DLG2: variants seen among roughly 807,000 people sequenced by gnomAD.
DLG2 encodes discs large MAGUK scaffold protein 2, also known as disks large homolog 2.
Under a neutral mutation model 132.5 loss-of-function variants are expected in DLG2, and 45 were observed. The observed-to-expected ratio is 0.34, with a 90% confidence interval of 0.27 to 0.44. The LOEUF is 0.44. Ranked by LOEUF, DLG2 falls within the 20% of genes least tolerant of loss-of-function variation. The pLI, the probability that DLG2 is intolerant of heterozygous loss-of-function variation, is 1.00. For synonymous variants in DLG2, 424 were observed against 419.6 expected (o/e 1.01, Z -0.13); for missense variants, 1,045 against 1,196.9 (o/e 0.87, Z 1.87).
At chr11:85,057,507 G>A (rs2063577140) in intron 6 of DLG2, among the ~76,000 whole-genome samples, 1 of 151,476 alleles carries the variant, frequency 6.6e-6, no homozygotes, top group African/African-American at 2.4e-5. Flanking sequence ...TAAATAAATT[G>A]AATTACTAAT....
chr11:84,661,722 GGAGATTCA>G (rs1357041494), intron 6 of DLG2, among the ~76,000 whole-genome samples: 3 of 152,044 alleles, frequency 2.0e-5, no homozygotes, highest in Admixed American at 1.3e-4. Context: ...GTTGAGGGAG[GGAGATTCA>G]GAGATTCAGA....
At chr11:85,316,869 C>A (rs1489331179) in intron 3 of DLG2, among the ~76,000 whole-genome samples, 1 of 151,886 alleles carries the variant, frequency 6.6e-6, no homozygotes, top group Non-Finnish European at 1.5e-5. Flanking sequence ...ACGGTCCCCA[C>A]CATCCTAGAA....
chr11:84,773,938 A>G (rs2069892296), intron 6 of DLG2, among the ~76,000 whole-genome samples: 1 of 152,186 alleles, frequency 6.6e-6, no homozygotes, highest in South Asian at 2.1e-4. Context: ...TTGTAGCCAG[A>G]GTAATCAGAC....
At chr11:84,095,710 C>T (rs2097156289) in intron 10 of DLG2, among the ~76,000 whole-genome samples, 1 of 152,144 alleles carries the variant, frequency 6.6e-6, no homozygotes, top group African/African-American at 2.4e-5. Context: ...TGCAGAATCC[C>T]ACTCTATAAA....
At chr11:85,393,937 G>C (rs1351789501) in intron 3 of DLG2, among the ~76,000 whole-genome samples, 1 of 152,066 alleles carries the variant, frequency 6.6e-6, no homozygotes, top group Non-Finnish European at 1.5e-5. Context: ...AAGAATAAAA[G>C]ACTACACACT....
chr11:84,278,690 C>G (rs572332057), intron 7 of DLG2, among the ~76,000 whole-genome samples: 1 of 152,098 alleles, frequency 6.6e-6, no homozygotes, highest in East Asian at 1.9e-4. Context: ...ACAAATGAAC[C>G]AATGAAATTT....
At chr11:85,302,890 G>T (rs1002394036) in intron 3 of DLG2, among the ~76,000 whole-genome samples, 1 of 152,112 alleles carries the variant, frequency 6.6e-6, no homozygotes, top group African/African-American at 2.4e-5. Context: ...AAATTCAAAT[G>T]CATTATTCTA....
intron 27 of DLG2, among the ~76,000 whole-genome samples, chr11:83,460,970 A>T (rs1014678560): frequency 4.7e-5 from 7 of 149,866 alleles, no homozygotes; most frequent in Non-Finnish European, 1.5e-5. Flanking sequence ...CTAACTTCAC[A>T]TATGGTAATC....
chr11:83,738,813 G>A (rs1039922558), intron 18 of DLG2, among the ~76,000 whole-genome samples: 2 of 151,904 alleles, frequency 1.3e-5, no homozygotes, highest in Admixed American at 6.6e-5. Flanking sequence ...GGTCCTTGTT[G>A]TCTGCCATCT....
chr11:84,573,740 G>C (rs2099491514), intron 6 of DLG2, among the ~76,000 whole-genome samples: 1 of 152,096 alleles, frequency 6.6e-6, no homozygotes, highest in African/African-American at 2.4e-5. Context: ...AGATGTCATG[G>C]GGAGGAAAAG....
intron 3 of DLG2, among the ~76,000 whole-genome samples, chr11:85,561,237 C>G (rs1201881851): frequency 7.1e-6 from 1 of 141,574 alleles, no homozygotes; most frequent in East Asian, 2.1e-4. Context: ...GTGGTTGAGA[C>G]AGGAGGATCT....
intron 3 of DLG2, among the ~76,000 whole-genome samples, chr11:85,589,939 G>T (rs773896997): frequency 6.6e-6 from 1 of 152,116 alleles, no homozygotes; most frequent in Non-Finnish European, 1.5e-5. Context: ...TTACTTTTGC[G>T]TAGTATCTAA....
At chr11:83,951,880 A>C (rs758274243) in intron 14 of DLG2, among the ~76,000 whole-genome samples, 10 of 152,198 alleles carry the variant, frequency 6.6e-5, no homozygotes, top group Non-Finnish European at 1.5e-4. Context: ...ATATGAATTG[A>C]CTAGTGTGCT....
intron 7 of DLG2, among the ~76,000 whole-genome samples, chr11:84,400,491 C>A (rs1403860763): frequency 5.9e-5 from 9 of 152,158 alleles, no homozygotes; most frequent in African/African-American, 1.9e-4. Context: ...CATTTTAGGG[C>A]TTCAATGCTA....
At chr11:84,574,219 T>C (rs1344703458) in intron 6 of DLG2, among the ~76,000 whole-genome samples, 2 of 152,134 alleles carry the variant, frequency 1.3e-5, no homozygotes, top group African/African-American at 4.8e-5. Context: ...CAAAACTGCT[T>C]TTCCTCAGCA....
At chr11:83,806,867 A>G (rs1210720483) in intron 17 of DLG2, among the ~76,000 whole-genome samples, 1 of 152,188 alleles carries the variant, frequency 6.6e-6, no homozygotes, top group Non-Finnish European at 1.5e-5. Context: ...AAACTAGAAA[A>G]GAAAGTATAA....
chr11:83,834,895 C>T (rs1454476872), intron 16 of DLG2, among the ~76,000 whole-genome samples: 1 of 152,184 alleles, frequency 6.6e-6, no homozygotes, highest in Non-Finnish European at 1.5e-5. Flanking sequence ...CCTCCTCTCC[C>T]AAACATCTCA....
At chr11:85,113,408 C>G (rs1334982074) in intron 5 of DLG2, among the ~76,000 whole-genome samples, 1 of 151,982 alleles carries the variant, frequency 6.6e-6, no homozygotes, top group Admixed American at 6.6e-5. Flanking sequence ...CTGCGGTGCT[C>G]AGCATGGGAT....
intron 21 of DLG2, among the ~76,000 whole-genome samples, chr11:83,493,997 G>A (rs1462530917): frequency 6.6e-6 from 1 of 152,092 alleles, no homozygotes; most frequent in Non-Finnish European, 1.5e-5. Context: ...GAATGTTTCT[G>A]TGTACTCAAA....
Sources: allele counts gnomAD v4.1 joint callset (sites outside exome capture counted in the v4.1 genomes callset), GRCh38; gene constraint gnomAD v4.1.1; transcripts MANE v1.5; gene names NCBI Gene and HGNC (gene_info 2026-07-23, HGNC 2026-07-21).